TRMT11: variants seen among roughly 807,000 people sequenced by gnomAD.
TRMT11 encodes the protein tRNA methyltransferase 11, also known as tRNA (guanine(10)-N(2))-methyltransferase TRMT11.
TRMT11 carries 53 observed loss-of-function variants against 62.8 expected under a neutral mutation model. That is an observed-to-expected ratio of 0.84 (90% confidence interval 0.68 to 1.06). TRMT11 has a LOEUF of 1.06. Ranked by LOEUF, TRMT11 falls within the 50% of genes least tolerant of loss-of-function variation. TRMT11 has a pLI of 0.00. For synonymous variants in TRMT11, 188 were observed against 190.3 expected, an observed-to-expected ratio of 0.99 and a Z score of 0.10; for missense variants, 556 against 553.4, an observed-to-expected ratio of 1.00 and a Z score of -0.05.
intron 21 of TRMT11, among the ~76,000 whole-genome samples, chr6:126,169,597 G>A (rs1778307913): frequency 6.6e-6 from 1 of 152,186 alleles, no homozygotes; most frequent in Non-Finnish European, 1.5e-5. Context: ...TGTCTCTCAT[G>A]CTGTGGTAAA....
chr6:126,152,558 C>CAGGTCAAAGAAGACAATGGGGATTAAG (rs1778071883), intron 21 of TRMT11, among the ~76,000 whole-genome samples: 1 of 152,106 alleles, frequency 6.6e-6, no homozygotes, highest in Admixed American at 6.5e-5. Context: ...ACACATGCCT[C>CAGGTCAAAGAAGACAATGGGGATTAAG]AGGTCAAAGA....
intron 1 of TRMT11, among the ~76,000 whole-genome samples, chr6:125,991,075 T>C (rs1463259739): frequency 6.6e-6 from 1 of 151,642 alleles, no homozygotes; most frequent in Non-Finnish European, 1.5e-5. Flanking sequence ...TGAAACCCCA[T>C]CTCTACTAAA....
chr6:126,170,125 T>A (rs1470166539), intron 21 of TRMT11, among the ~76,000 whole-genome samples: 7 of 150,840 alleles, frequency 4.6e-5, no homozygotes, highest in Admixed American at 2.0e-4. Context: ...ATTTTCCTTT[T>A]GTCAGCCTGG....
intron 16 of TRMT11, among the ~76,000 whole-genome samples, chr6:126,050,250 A>C (rs957608973): frequency 7.3e-5 from 11 of 151,564 alleles, no homozygotes; most frequent in African/African-American, 2.4e-4. Context: ...GAATCGCTTG[A>C]ATCTGGGAGG....
At chr6:126,027,797 T>C (rs1221997128) in intron 12 of TRMT11, among the ~76,000 whole-genome samples, 1 of 152,110 alleles carries the variant, frequency 6.6e-6, no homozygotes, top group Non-Finnish European at 1.5e-5. Context: ...CATAATGGAG[T>C]GTGGCCAAAA....
chr6:126,021,738 C>G (rs946362418), intron 12 of TRMT11, among the ~76,000 whole-genome samples: 1 of 152,208 alleles, frequency 6.6e-6, no homozygotes, highest in Non-Finnish European at 1.5e-5. Context: ...CTTTGTCTCT[C>G]TCTTACATAC....
chr6:126,228,961 G>A, the TRMT11 span, among the ~76,000 whole-genome samples: 1 of 152,012 alleles, frequency 6.6e-6, no homozygotes, highest in African/African-American at 2.4e-5. Flanking sequence ...GCTTTTAATG[G>A]CTATTATAGT....
chr6:126,218,331 C>T, the TRMT11 span, among the ~76,000 whole-genome samples: 1 of 152,188 alleles, frequency 6.6e-6, no homozygotes, highest in Non-Finnish European at 1.5e-5. Flanking sequence ...TGCTGGGGCA[C>T]ACCTGAAGCC....
chr6:126,213,392 C>T, the TRMT11 span, among the ~76,000 whole-genome samples: 15 of 152,122 alleles, frequency 9.9e-5, no homozygotes, highest in East Asian at 2.9e-3. Context: ...ATTGTTTCTT[C>T]TAATCCAAGA....
intron 17 of TRMT11, among the ~76,000 whole-genome samples, chr6:126,091,035 C>T (rs1271957733): frequency 1.3e-5 from 2 of 152,028 alleles, no homozygotes; most frequent in African/African-American, 4.8e-5. Context: ...CATGGCGAAA[C>T]CCAGTCTCTA....
Position 125,998,690 on chromosome 6 carries a change from C to A in TRMT11, c.522+6C>A. On this transcript the variant is annotated splice_donor_region_variant and intron_variant, in intron 6 of 12. Coordinates refer to ENST00000334379, the MANE Select transcript of TRMT11 (RefSeq NM_001031712.3). ...ATATTTATTTTGGTAGATGGGTGAG[C>A]AAGTTTTCTTTCTACCTATGTCAGT... is the stretch of plus-strand genomic sequence containing the variant. The A allele has an allele frequency of 6.2e-7, 1 of 1,608,908 alleles. No individual in the cohort carries two copies. The highest frequency in any genetic ancestry group is 8.5e-7 in the Non-Finnish European group (1 of 1,178,508).
chr6:126,141,979 T>A (rs1562332339), intron 21 of TRMT11, among the ~76,000 whole-genome samples: 1 of 152,106 alleles, frequency 6.6e-6, no homozygotes, highest in Admixed American at 6.6e-5. Flanking sequence ...TTTGTCTTAC[T>A]GTCTTAAAAT....
intron 17 of TRMT11, among the ~76,000 whole-genome samples, chr6:126,086,750 A>C (rs1240150043): frequency 6.6e-6 from 1 of 152,032 alleles, no homozygotes; most frequent in African/African-American, 2.4e-5. Context: ...CACTTCCTCT[A>C]TTCTCTAAGT....
At chr6:126,027,983 AT>A (rs1386118296) in intron 12 of TRMT11, among the ~76,000 whole-genome samples, 2 of 152,208 alleles carry the variant, frequency 1.3e-5, no homozygotes, top group Non-Finnish European at 2.9e-5. Context: ...TAGTTTACAT[AT>A]TAGAATGATA....
At chr6:126,010,874 C>T (rs1360700292) in intron 8 of TRMT11, among the ~76,000 whole-genome samples, 2 of 152,046 alleles carry the variant, frequency 1.3e-5, no homozygotes, top group East Asian at 3.9e-4. Flanking sequence ...TTCCCAAGTT[C>T]GCTCTCTTCA....
At chr6:126,225,350 C>G in the TRMT11 span, among the ~76,000 whole-genome samples, 1 of 152,102 alleles carries the variant, frequency 6.6e-6, no homozygotes, top group African/African-American at 2.4e-5. Flanking sequence ...TTAATTCATC[C>G]CTTCTCCAGT....
At chr6:126,220,147 A>G in the TRMT11 span, among the ~76,000 whole-genome samples, 5 of 152,242 alleles carry the variant, frequency 3.3e-5, no homozygotes, top group South Asian at 1.0e-3. Flanking sequence ...AAATGCTTCT[A>G]CCTAGAAGTG....
chr6:126,002,291 CTG>C (rs1270088330), intron 7 of TRMT11, among the ~76,000 whole-genome samples: 2 of 152,198 alleles, frequency 1.3e-5, no homozygotes, highest in African/African-American at 4.8e-5. Flanking sequence ...ATTTTAGACA[CTG>C]TGAATTTGCA....
At chr6:125,997,992 T>C in intron 3 of TRMT11, 61 bp from the exon 4 acceptor site, 1 of 1,137,744 alleles carries the variant, frequency 8.8e-7, no homozygotes, top group Non-Finnish European at 1.3e-6. Context: ...AAAATGACTG[T>C]ATGTATTCCT....
Sources: allele counts gnomAD v4.1 joint callset (sites outside exome capture counted in the v4.1 genomes callset), GRCh38; gene constraint gnomAD v4.1.1; transcripts MANE v1.5; gene names NCBI Gene and HGNC (gene_info 2026-07-23, HGNC 2026-07-21).